Variants in C11orf54 observed in about 807,000 individuals in gnomAD.
C11orf54 encodes the protein beta-keto-L-gulonate decarboxylase.
C11orf54 carries 29 observed loss-of-function variants against 35.5 expected under a neutral mutation model. The observed-to-expected ratio is 0.82, with a 90% CI of 0.61 to 1.11. The LOEUF (loss-of-function observed/expected upper bound fraction) is 1.11, where lower values mean the gene tolerates loss of function less well. Among genes scored for constraint, C11orf54 ranks in the 50% most tolerant of loss-of-function variants. The pLI is 0.00. For synonymous variants in C11orf54, 108 were observed against 121.1 expected (o/e 0.89, Z 0.71); for missense variants, 373 against 369.2 (o/e 1.01, Z -0.08).
At chr11:93,761,434 TG>T in intron 8 of C11orf54, 80 bp from the exon 9 acceptor site, 1 of 1,292,572 alleles carries the variant, frequency 7.7e-7, no homozygotes, top group Non-Finnish European at 1.1e-6. Flanking sequence ...TAAAAACTAT[TG>T]CAACGTAAAA....
At chr11:93,750,180 G>A (rs681321) in intron 2 of C11orf54, among the ~76,000 whole-genome samples, 166 bp from the exon 3 acceptor site, 53,837 of 151,976 alleles carry the variant, frequency 0.35, 9,674 homozygotes, top group South Asian at 0.41. Context: ...TGTATCTTGT[G>A]ATTATGTCTA....
intron 3 of C11orf54, among the ~76,000 whole-genome samples, chr11:93,753,356 A>G (rs1245065182): frequency 9.4e-6 from 1 of 105,940 alleles, no homozygotes; most frequent in Non-Finnish European, 2.3e-5. Flanking sequence ...CCACCCCAAA[A>G]TAGATTTTTT....
At chr11:93,747,272 T>C in intron 1 of C11orf54, 25 bp from the exon 2 acceptor site, 1 of 645,604 alleles carries the variant, frequency 1.5e-6, no homozygotes, top group Non-Finnish European at 2.5e-6. Context: ...GTTTATATGT[T>C]TGAATGCTCA....
rs1943529826 is a variant in C11orf54 at position 93,762,673 on chromosome 11, C to G, written c.*985C>G. On this transcript the variant is annotated 3_prime_UTR_variant, in exon 9 of 9. Coordinates refer to ENST00000354421, the MANE Select transcript of C11orf54 (RefSeq NM_001286069.2). ...GCAACTAGTTGGCTAGCCATAATTCCTCCCTTGTTTCGATTGCCAGTTAGA... is the reference window on the plus strand; with the variant it reads ...GCAACTAGTTGGCTAGCCATAATTCGTCCCTTGTTTCGATTGCCAGTTAGA... The G allele has an allele frequency of 6.6e-6, 1 of 152,116 alleles. No homozygotes were observed. Among genetic ancestry groups the G allele is most frequent in the Non-Finnish European group, 1.5e-5 (1 of 68,022 alleles). 9.4% of individuals were successfully genotyped at this position (152,116 alleles called of 1,614,324 possible).
chr11:93,749,516 A>AAG (rs1375016584), intron 2 of C11orf54, among the ~76,000 whole-genome samples: 1 of 151,130 alleles, frequency 6.6e-6, no homozygotes, highest in Non-Finnish European at 1.5e-5. Flanking sequence ...AAAAAAAAAA[A>AAG]AAAAAAAAAA....
intron 1 of C11orf54, among the ~76,000 whole-genome samples, chr11:93,744,450 T>C (rs1021449849): frequency 6.6e-6 from 1 of 152,214 alleles, no homozygotes; most frequent in Non-Finnish European, 1.5e-5. Context: ...CCAGCAAAAA[T>C]ATGTAAAGTG....
Position 93,755,018 on chromosome 11 carries a change from T to G in C11orf54, c.331-192T>G, listed in dbSNP as rs554423293. The G allele has an allele frequency of 1.3e-5, 7 of 524,958 alleles. No individual in the cohort carries two copies. The South Asian group carries it at 1.4e-4, about 11-fold the overall frequency. The allele number at this position is 524,958 out of a possible 1,614,324, so 32.5% of individuals were successfully genotyped here. On this transcript the variant is annotated intron_variant, in intron 5 of 8. Coordinates refer to ENST00000354421, the MANE Select transcript of C11orf54 (RefSeq NM_001286069.2). ...TCCCAAAGTGCTGGGATTACAGGCA[T>G]GAGCCACAGCGCCCGGCCTATAAAT... is the stretch of plus-strand genomic sequence containing the variant.
intron 2 of C11orf54, among the ~76,000 whole-genome samples, chr11:93,749,487 A>C (rs1438627747): frequency 7.6e-6 from 1 of 131,924 alleles, no homozygotes; most frequent in Non-Finnish European, 1.6e-5. Flanking sequence ...TAAGGCTATC[A>C]GAGTGAGACT....
At position 93,761,531 on chromosome 11, in the gene C11orf54, T is replaced by TCAAA. The variant is rs745638609; in HGVS notation, c.791_792insCAAA (p.Glu265LysfsTer8). 4.7e-4 allele frequency: 753 copies of TCAAA among 1,607,762 alleles called. No individual in the cohort carries two copies. Among genetic ancestry groups the TCAAA allele is most frequent in the Non-Finnish European group, 6.2e-4 (734 of 1,177,794 alleles). On this transcript the variant is annotated frameshift_variant, in exon 9 of 9. Transcript: ENST00000354421. LOFTEE classifies it high-confidence loss of function. ...TTATCTTAGGGGTTTGATTTGCGACTGGAGCACACTCATTTTTTTAGTCGT... is the reference window on the plus strand; with the variant it reads ...TTATCTTAGGGGTTTGATTTGCGACTCAAAGGAGCACACTCATTTTTTTAGTCGT...
chr11:93,745,617 A>G (rs1261639520), intron 1 of C11orf54, among the ~76,000 whole-genome samples: 3 of 152,174 alleles, frequency 2.0e-5, no homozygotes, highest in Non-Finnish European at 4.4e-5. Flanking sequence ...TTTTCCACAT[A>G]GACACAGTAA....
intron 2 of C11orf54, among the ~76,000 whole-genome samples, chr11:93,748,310 CTTTTTCT>C (rs1373275892): frequency 2.0e-5 from 3 of 149,954 alleles, no homozygotes; most frequent in Non-Finnish European, 4.4e-5. Flanking sequence ...GGAATTTTTT[CTTTTTCT>C]TTTTTCTTTT....
chr11:93,743,881 A>G (rs1942303120), intron 1 of C11orf54, among the ~76,000 whole-genome samples: 1 of 152,074 alleles, frequency 6.6e-6, no homozygotes, highest in Non-Finnish European at 1.5e-5. Flanking sequence ...AGGCAGGAAA[A>G]TACTGTTTGC....
At position 93,760,700 on chromosome 11, in the gene C11orf54, C is replaced by A. The variant is rs140307037; in HGVS notation, c.775-815C>A. Among the ~76,000 whole-genome samples, 1,248 of 152,032 alleles carry A rather than the reference C, an allele frequency of 8.2e-3. 15 individuals carry two copies. The highest frequency in any genetic ancestry group is 8.5e-3 in the Non-Finnish European group (577 of 68,000). On this transcript the variant is annotated intron_variant, in intron 8 of 8. Transcript: ENST00000354421. ...TTGTGACAGAGTCTCGCTCTGTTGC[C>A]CAGGCTGGAGTGCAGTGATGCAATC... is the stretch of plus-strand genomic sequence containing the variant.
intron 2 of C11orf54, among the ~76,000 whole-genome samples, chr11:93,748,294 C>A (rs1453878196): frequency 6.6e-6 from 1 of 151,646 alleles, no homozygotes; most frequent in Non-Finnish European, 1.5e-5. Flanking sequence ...TATGACAGGG[C>A]AGTTAGGAAT....
chr11:93,753,864 A>T, intron 4 of C11orf54, 72 bp from the exon 5 acceptor site: 1 of 1,539,066 alleles, frequency 6.5e-7, no homozygotes, highest in Non-Finnish European at 9.0e-7. Context: ...GTGCTAATGG[A>T]TCAGTAATAA....
intron 3 of C11orf54, among the ~76,000 whole-genome samples, chr11:93,750,935 T>TA (rs1439794129): frequency 6.6e-6 from 1 of 152,190 alleles, no homozygotes; most frequent in Non-Finnish European, 1.5e-5. Flanking sequence ...GTATGATAGA[T>TA]AGTTAGTTGA....
chr11:93,749,052 G>C (rs1942649328), intron 2 of C11orf54, among the ~76,000 whole-genome samples: 1 of 150,910 alleles, frequency 6.6e-6, no homozygotes, highest in Non-Finnish European at 1.5e-5. Context: ...GCTGAGGCAG[G>C]AGAATGGCGT....
chr11:93,745,047 A>C (rs1017541258), intron 1 of C11orf54, among the ~76,000 whole-genome samples: 1 of 152,214 alleles, frequency 6.6e-6, no homozygotes, highest in Non-Finnish European at 1.5e-5. Flanking sequence ...TTACCCAAAC[A>C]TCTCAGTGTA....
At chr11:93,753,208 T>G (rs1422743532) in intron 3 of C11orf54, among the ~76,000 whole-genome samples, 2 of 152,102 alleles carry the variant, frequency 1.3e-5, no homozygotes, top group Non-Finnish European at 2.9e-5. Context: ...AACTCCTGAC[T>G]TCAGGTGATC....
Sources: gnomAD v4.1 joint callset for allele counts (sites outside exome capture counted in the v4.1 genomes callset) on GRCh38, gnomAD v4.1.1 for gene constraint, MANE v1.5 for transcripts, NCBI Gene and HGNC (gene_info 2026-07-23, HGNC 2026-07-21) for gene names.